SCARA5: variants seen among roughly 807,000 people sequenced by gnomAD.
SCARA5 encodes the protein scavenger receptor class A member 5.
SCARA5 carries 45 observed loss-of-function variants against 46.3 expected under a neutral mutation model. The observed-to-expected ratio is 0.97, with a 90% CI of 0.76 to 1.24. The LOEUF is 1.24. Ranked by LOEUF, SCARA5 falls within the 50% of genes most tolerant of loss-of-function variation. The pLI is 0.00. For missense variants in SCARA5, 680 were observed against 689.0 expected (o/e 0.99, Z 0.15); for synonymous variants, 333 against 306.5 (o/e 1.09, Z -0.90).
chr8:27,908,565 G>A (rs12676429), intron 5 of SCARA5, among the ~76,000 whole-genome samples: 1,987 of 152,236 alleles, frequency 0.013, 92 homozygotes, highest in East Asian at 0.13. Context: ...TACTCCTCTA[G>A]TCCGAAGGTC....
chr8:27,916,961 T>C (rs1807472322), intron 4 of SCARA5, among the ~76,000 whole-genome samples: 1 of 152,072 alleles, frequency 6.6e-6, no homozygotes, highest in South Asian at 2.1e-4. Context: ...ATCAGCATCC[T>C]TACAAAGAGG....
chr8:27,950,876 T>TG (rs1808114016), intron 3 of SCARA5, among the ~76,000 whole-genome samples: 1 of 97,546 alleles, frequency 1.0e-5, no homozygotes, highest in African/African-American at 3.9e-5. Context: ...CTCAGCTTTA[T>TG]GGGAAAAAAA....
intron 3 of SCARA5, among the ~76,000 whole-genome samples, chr8:27,938,989 T>C (rs371392733): frequency 1.3e-5 from 2 of 152,344 alleles, no homozygotes; most frequent in East Asian, 1.9e-4. Flanking sequence ...AAGTGGGTCC[T>C]GCCTGATTAA....
At chr8:27,881,119 G>A (rs1806804719) in intron 7 of SCARA5, among the ~76,000 whole-genome samples, 1 of 152,170 alleles carries the variant, frequency 6.6e-6, no homozygotes, top group Non-Finnish European at 1.5e-5. Context: ...TTCAGCCACT[G>A]TGGAAAGCAG....
chr8:27,915,256 A>G (rs1585485355), intron 4 of SCARA5, among the ~76,000 whole-genome samples: 1 of 152,068 alleles, frequency 6.6e-6, no homozygotes, highest in Non-Finnish European at 1.5e-5. Context: ...TGTCAGCCCC[A>G]TTTCACAGCC....
rs1807847642 is a variant in SCARA5, at chr8:27,935,916, A to T, written c.242-13671T>A. ...TAGTACCCAGGGAGGAGGGCAGCAC[A>T]TTGGTAATTTTTCGATAAGCCCTTT... is the stretch of plus-strand genomic sequence containing the variant. On this transcript the variant is annotated intron_variant, in intron 3 of 8. Coordinates refer to ENST00000354914, the MANE Select transcript of SCARA5 (RefSeq NM_173833.6). Among the ~76,000 whole-genome samples, 6 of 152,184 alleles carry T rather than the reference A, an allele frequency of 3.9e-5. No homozygotes were observed. The South Asian group carries it at 1.2e-3, about 32-fold the overall frequency.
intron 7 of SCARA5, among the ~76,000 whole-genome samples, chr8:27,900,494 T>G (rs1401022957): frequency 6.6e-6 from 1 of 152,214 alleles, no homozygotes; most frequent in Non-Finnish European, 1.5e-5. Context: ...GTACGAAGTG[T>G]TAAACATTTT....
chr8:27,981,169 T>G (rs1433476680), intron 2 of SCARA5, among the ~76,000 whole-genome samples: 2 of 152,204 alleles, frequency 1.3e-5, no homozygotes, highest in African/African-American at 4.8e-5. Context: ...ATTCTCACTT[T>G]GCAGACAAGG....
intron 2 of SCARA5, among the ~76,000 whole-genome samples, chr8:27,967,278 T>G (rs1808383373): frequency 6.6e-6 from 1 of 152,252 alleles, no homozygotes; most frequent in Non-Finnish European, 1.5e-5. Context: ...AGTGGCCTTT[T>G]GGGCCATGTA....
intron 3 of SCARA5, among the ~76,000 whole-genome samples, chr8:27,927,994 A>G (rs898961094): frequency 3.3e-5 from 5 of 152,180 alleles, no homozygotes; most frequent in African/African-American, 1.2e-4. Context: ...AAGATACTTC[A>G]GGTACCGGGG....
chr8:27,921,581 G>A lies in SCARA5; in HGVS notation c.906C>T (p.Ser302=). Residue 302 remains serine (S), a synonymous_variant, in exon 4 of 9, where the codon TCC becomes TCT. Transcript: ENST00000354914. ...WEHSIALRNI[S]LAKGPPGPKG... Reference sequence around the variant, plus strand: ...AGGGCCTGGCGGTACCTTTCGCGAGGGAGATGTTCCGCAGTGCGATGGAGT... The same window carrying A: ...AGGGCCTGGCGGTACCTTTCGCGAGAGAGATGTTCCGCAGTGCGATGGAGT... The A allele has an allele frequency of 6.4e-7, 1 of 1,554,108 alleles. No homozygotes were observed. Among genetic ancestry groups the A allele is most frequent in the Non-Finnish European group, 8.7e-7 (1 of 1,145,974 alleles).
intron 7 of SCARA5, among the ~76,000 whole-genome samples, chr8:27,897,279 C>G (rs368168295): frequency 6.0e-4 from 92 of 152,246 alleles, no homozygotes; most frequent in African/African-American, 2.2e-3. Context: ...GGGGACCTCC[C>G]GGACTCAATC....
chr8:27,976,571 A>C (rs1808527087), intron 2 of SCARA5, among the ~76,000 whole-genome samples: 1 of 152,130 alleles, frequency 6.6e-6, no homozygotes, highest in Non-Finnish European at 1.5e-5. Context: ...CTTTGGTTTG[A>C]TGAACTGGTT....
At chr8:27,948,067 C>A (rs1214149543) in intron 3 of SCARA5, among the ~76,000 whole-genome samples, 1 of 151,998 alleles carries the variant, frequency 6.6e-6, no homozygotes, top group Non-Finnish European at 1.5e-5. Context: ...GGTTGCACGG[C>A]AATGTAAACA....
chr8:27,942,538 A>G (rs576537824), intron 3 of SCARA5, among the ~76,000 whole-genome samples: 1 of 152,252 alleles, frequency 6.6e-6, no homozygotes, highest in East Asian at 1.9e-4. Context: ...GATCACTGCC[A>G]TGCCTGGATC....
chr8:27,931,771 C>T (rs1807777107), intron 3 of SCARA5, among the ~76,000 whole-genome samples: 1 of 152,096 alleles, frequency 6.6e-6, no homozygotes, highest in South Asian at 2.1e-4. Context: ...AGCAATTCTA[C>T]TGCCTCCAGA....
At chr8:27,908,701 C>A (rs1230242316) in intron 5 of SCARA5, among the ~76,000 whole-genome samples, 1 of 152,118 alleles carries the variant, frequency 6.6e-6, no homozygotes, top group Non-Finnish European at 1.5e-5. Flanking sequence ...TGATCTAGCA[C>A]AAGCTGTGCC....
At chr8:27,952,709 G>T (rs1382163466) in intron 3 of SCARA5, among the ~76,000 whole-genome samples, 4 of 152,180 alleles carry the variant, frequency 2.6e-5, no homozygotes, top group Non-Finnish European at 5.9e-5. Flanking sequence ...CCCAAGTAGG[G>T]ACCTATCCTA....
intron 1 of SCARA5, among the ~76,000 whole-genome samples, chr8:27,988,688 T>C (rs1002063210): frequency 6.6e-6 from 1 of 152,270 alleles, no homozygotes; most frequent in African/African-American, 2.4e-5. Flanking sequence ...TTTCTTGATA[T>C]TGTTTTTGTC....
Sources: allele counts gnomAD v4.1 joint callset (sites outside exome capture counted in the v4.1 genomes callset), GRCh38; gene constraint gnomAD v4.1.1; transcripts MANE v1.5; gene names NCBI Gene and HGNC (gene_info 2026-07-23, HGNC 2026-07-21).